Variants in PDE1C observed in about 807,000 individuals in gnomAD.
The protein encoded by PDE1C is phosphodiesterase 1C.
Under a neutral mutation model 93.1 loss-of-function variants are expected in PDE1C, and 62 were observed. That is an observed-to-expected ratio of 0.67 (90% CI 0.54 to 0.82). The LOEUF (loss-of-function observed/expected upper bound fraction) is 0.82. PDE1C is among the 40% of genes least tolerant of loss of function. The pLI is 0.00. For missense variants in PDE1C, 742 were observed against 884.6 expected (o/e 0.84, Z 2.04); for synonymous variants, 325 against 310.1 (o/e 1.05, Z -0.50).
chr7:31,714,961 G>A, the PDE1C span, among the ~76,000 whole-genome samples: 1 of 152,110 alleles, frequency 6.6e-6, no homozygotes, highest in African/African-American at 2.4e-5. Context: ...ATGGGGCAGG[G>A]GGTGCTGTCC....
the PDE1C span, among the ~76,000 whole-genome samples, chr7:31,650,435 A>G: frequency 6.6e-6 from 1 of 152,266 alleles, no homozygotes; most frequent in East Asian, 1.9e-4. Flanking sequence ...TTTAAATGAG[A>G]AAACCAAGGC....
intron 3 of PDE1C, among the ~76,000 whole-genome samples, chr7:32,168,194 G>A (rs1802423722): frequency 6.6e-6 from 1 of 152,176 alleles, no homozygotes; most frequent in Non-Finnish European, 1.5e-5. Context: ...ACAGCACCAA[G>A]TGTTACAAGG....
At chr7:32,148,526 G>C (rs1438483036) in intron 3 of PDE1C, among the ~76,000 whole-genome samples, 1 of 152,078 alleles carries the variant, frequency 6.6e-6, no homozygotes, top group Non-Finnish European at 1.5e-5. Flanking sequence ...TGTTCCAATA[G>C]TAGGTGTTTT....
Position 31,755,116 on chromosome 7 carries a change from T to G in PDE1C, c.1961-1563A>C, listed in dbSNP as rs191633146. ...ATAAAATTGTTTCCCATGGGGCTAT[T>G]GGTTATCAACTCTAAGACCACTCTA... On this transcript the variant is annotated intron_variant, in intron 17 of 17. Coordinates refer to ENST00000396191, the MANE Select transcript of PDE1C (RefSeq NM_001191057.4). 2.6e-5 allele frequency among the ~76,000 whole-genome samples: 4 copies of G among 152,298 alleles called. No individual in the cohort carries two copies. The East Asian group carries it at 7.7e-4, about 29-fold the overall frequency.
At chr7:32,396,995 A>T (rs1362864284) in intron 1 of PDE1C, among the ~76,000 whole-genome samples, 1 of 152,216 alleles carries the variant, frequency 6.6e-6, no homozygotes, top group Non-Finnish European at 1.5e-5. Context: ...AAAGGATCAG[A>T]GACCTAAAAT....
At chr7:32,304,880 T>G (rs991105767) in intron 1 of PDE1C, among the ~76,000 whole-genome samples, 2 of 152,204 alleles carry the variant, frequency 1.3e-5, no homozygotes, top group African/African-American at 4.8e-5. Context: ...ACAATGTTAT[T>G]ATTTTTAACA....
At chr7:32,099,691 C>T (rs1554502988) in intron 3 of PDE1C, among the ~76,000 whole-genome samples, 1 of 152,230 alleles carries the variant, frequency 6.6e-6, no homozygotes, top group Non-Finnish European at 1.5e-5. Context: ...GCCTCCTCAT[C>T]TCCCATCACT....
At chr7:32,368,338 G>A (rs1204010210) in intron 1 of PDE1C, among the ~76,000 whole-genome samples, 1 of 152,066 alleles carries the variant, frequency 6.6e-6, no homozygotes, top group Non-Finnish European at 1.5e-5. Flanking sequence ...ACAGAAATCA[G>A]TGGTGTTTCT....
At chr7:32,171,346 C>T (rs745452058) in intron 2 of PDE1C, among the ~76,000 whole-genome samples, 8 of 151,852 alleles carry the variant, frequency 5.3e-5, no homozygotes, top group Non-Finnish European at 1.2e-4. Context: ...CCAAATACTG[C>T]TGAGCCTCCA....
the PDE1C span, among the ~76,000 whole-genome samples, chr7:31,693,446 T>C: frequency 6.6e-6 from 1 of 152,202 alleles, no homozygotes; most frequent in Non-Finnish European, 1.5e-5. Context: ...GGCATTAAGA[T>C]ACATAGTCCC....
chr7:31,772,870 C>A (rs1353787559), intron 17 of PDE1C, among the ~76,000 whole-genome samples: 2 of 152,260 alleles, frequency 1.3e-5, no homozygotes, highest in Non-Finnish European at 2.9e-5. Context: ...GTCATCTCTT[C>A]TACAGCTATG....
chr7:31,972,492 T>G (rs2129050073), intron 2 of PDE1C, among the ~76,000 whole-genome samples: 1 of 152,308 alleles, frequency 6.6e-6, no homozygotes, highest in East Asian at 1.9e-4. Flanking sequence ...GAGGTAATTC[T>G]TATTGTCATT....
chr7:32,141,061 T>G (rs1002487076), intron 3 of PDE1C, among the ~76,000 whole-genome samples: 2 of 152,218 alleles, frequency 1.3e-5, no homozygotes, highest in Admixed American at 1.3e-4. Context: ...TTTAAAAACT[T>G]TGAAAGCATT....
rs1384117362 is a variant in PDE1C, at chr7:32,345,370, T to C, written c.310+82452A>G. 2.0e-5 allele frequency among the ~76,000 whole-genome samples: 3 copies of C among 152,156 alleles called. 1 individual carries two copies. Among genetic ancestry groups the C allele is most frequent in the Admixed American group, 2.0e-4 (3 of 15,270 alleles). ...TATAATAGAATGAAGAGACACCCAT[T>C]CCCCAGTATCTCAAATCAAGTAAGC... On this transcript the variant is annotated intron_variant, in intron 1 of 1. Transcript: ENST00000672256.
chr7:32,295,643 A>G (rs946011592), intron 1 of PDE1C, among the ~76,000 whole-genome samples: 3 of 152,178 alleles, frequency 2.0e-5, no homozygotes, highest in African/African-American at 7.2e-5. Flanking sequence ...TGTAATCCCA[A>G]CACTTTGGGA....
intron 2 of PDE1C, among the ~76,000 whole-genome samples, chr7:31,929,884 A>C (rs1387726686): frequency 2.0e-5 from 3 of 152,334 alleles, no homozygotes; most frequent in African/African-American, 7.2e-5. Flanking sequence ...GAGCAAACAA[A>C]TTCAAAAGCT....
intron 7 of PDE1C, among the ~76,000 whole-genome samples, chr7:31,861,528 A>G (rs1305157357): frequency 6.6e-6 from 1 of 152,086 alleles, no homozygotes; most frequent in Non-Finnish European, 1.5e-5. Flanking sequence ...TGTCTAAATC[A>G]GAATTCTTGA....
At chr7:31,630,244 C>CAAA in the PDE1C span, among the ~76,000 whole-genome samples, 8,981 of 103,362 alleles carry the variant, frequency 0.087, 859 homozygotes, top group Middle Eastern at 0.15. Flanking sequence ...GTCTACTTGG[C>CAAA]AAAAAAAAAA....
intron 2 of PDE1C, among the ~76,000 whole-genome samples, chr7:31,968,018 G>A (rs1031335016): frequency 3.3e-5 from 5 of 152,174 alleles, no homozygotes; most frequent in South Asian, 2.1e-4. Context: ...AATGGACAAA[G>A]ACTGGAAGCA....
Sources: gnomAD v4.1 joint callset for allele counts (sites outside exome capture counted in the v4.1 genomes callset) on GRCh38, gnomAD v4.1.1 for gene constraint, MANE v1.5 for transcripts, NCBI Gene and HGNC (gene_info 2026-07-23, HGNC 2026-07-21) for gene names.